Variants in RAD18 observed in about 807,000 individuals in gnomAD.
RAD18 encodes the protein RAD18 E3 ubiquitin protein ligase.
Under a neutral mutation model 60.4 loss-of-function variants are expected in RAD18, and 47 were observed. The ratio of observed to expected loss-of-function variants is 0.78; its 90% CI spans 0.62 to 0.99. The LOEUF is 0.99. Ranked by LOEUF, RAD18 falls within the 50% of genes least tolerant of loss-of-function variation. The probability of loss-of-function intolerance (pLI) is 0.00; values close to 1 mark genes in which losing one functional copy is unlikely to be tolerated. For missense variants in RAD18, 640 were observed against 593.3 expected, an observed-to-expected ratio of 1.08 and a Z score of -0.82; for synonymous variants, 225 against 195.5, an observed-to-expected ratio of 1.15 and a Z score of -1.26.
intron 1 of RAD18, among the ~76,000 whole-genome samples, chr3:8,962,437 AG>A (rs1379904895): frequency 1.2e-4 from 18 of 152,380 alleles, no homozygotes; most frequent in African/African-American, 4.3e-4. Context: ...AGGAAGAACA[AG>A]GCCTTCTACT....
At chr3:8,902,821 C>T (rs1053088027) in intron 9 of RAD18, among the ~76,000 whole-genome samples, 2 of 151,894 alleles carry the variant, frequency 1.3e-5, no homozygotes, top group African/African-American at 2.4e-5. Context: ...GTCAGGAGTT[C>T]GAGACCAGCC....
chr3:8,884,935 G>T (rs1440214526), intron 12 of RAD18, among the ~76,000 whole-genome samples: 1 of 152,172 alleles, frequency 6.6e-6, no homozygotes, highest in Non-Finnish European at 1.5e-5. Context: ...TCTCCAGCAG[G>T]TATTACTAAT....
intron 4 of RAD18, among the ~76,000 whole-genome samples, chr3:8,945,802 G>C (rs1940830325): frequency 6.6e-6 from 1 of 151,812 alleles, no homozygotes; most frequent in Admixed American, 6.6e-5. Context: ...AGTTTAAAAA[G>C]GAAAAAATAA....
chr3:8,945,416 T>G (rs1385433862), intron 4 of RAD18, among the ~76,000 whole-genome samples: 1 of 151,976 alleles, frequency 6.6e-6, no homozygotes, highest in Non-Finnish European at 1.5e-5. Context: ...AAGTGACATC[T>G]TGATAATCCT....
At chr3:8,883,989 G>A (rs1939514617) in intron 12 of RAD18, among the ~76,000 whole-genome samples, 1 of 152,040 alleles carries the variant, frequency 6.6e-6, no homozygotes, top group South Asian at 2.1e-4. Context: ...CATTAGACAG[G>A]CTAAGTAAAA....
chr3:8,958,143 T>C (rs991318052), intron 2 of RAD18, among the ~76,000 whole-genome samples: 2 of 152,254 alleles, frequency 1.3e-5, no homozygotes, highest in African/African-American at 4.8e-5. Context: ...GCAATGCCCG[T>C]GCTGCCGTCA....
chr3:8,954,695 A>G (rs1420073582), intron 2 of RAD18, among the ~76,000 whole-genome samples: 1 of 152,240 alleles, frequency 6.6e-6, no homozygotes, highest in Non-Finnish European at 1.5e-5. Flanking sequence ...ACAAAACAAA[A>G]TAAAGTGATT....
rs1940743002 is a variant in RAD18 at position 8,941,335 on chromosome 3, T to G, written c.604+132A>C. 6 of 784,062 alleles carry G rather than the reference T, an allele frequency of 7.7e-6. No individual in the cohort carries two copies. In the Admixed American group the frequency reaches 1.7e-4, roughly 23 times the overall value. The allele number at this position is 784,062 out of a possible 1,614,324, so 48.6% of individuals were successfully genotyped here. A position where few individuals can be genotyped will look rare whatever the true frequency, so the allele number is the denominator to read the frequency against. On this transcript the variant is annotated intron_variant, in intron 5 of 12. Transcript: ENST00000264926. ...GAACAAACATATCTACAACAATGTC[T>G]GAGGTTTGTGATATGGTAAAATCTG...
At chr3:8,895,189 CAT>C (rs1939763777) in intron 11 of RAD18, among the ~76,000 whole-genome samples, 1 of 151,182 alleles carries the variant, frequency 6.6e-6, no homozygotes, top group Admixed American at 6.6e-5. Flanking sequence ...TTCTAAAGTT[CAT>C]AAATATTCCC....
At chr3:8,899,070 G>T in intron 10 of RAD18, 23 bp from the exon 11 acceptor site, 1 of 1,546,276 alleles carries the variant, frequency 6.5e-7, no homozygotes, top group African/African-American at 1.4e-5. Flanking sequence ...AAATTTAAGA[G>T]TACCTTAAAA....
At chr3:8,916,298 T>C (rs1446267504) in intron 7 of RAD18, among the ~76,000 whole-genome samples, 1 of 152,168 alleles carries the variant, frequency 6.6e-6, no homozygotes, top group Non-Finnish European at 1.5e-5. Flanking sequence ...TGCCTAAGAC[T>C]GAAGCTAAAT....
At position 8,897,343 on chromosome 3, in the gene RAD18, C is replaced by T. The variant is rs554053504; in HGVS notation, c.1322+1551G>A. On this transcript the variant is annotated intron_variant, in intron 11 of 12. Transcript: ENST00000264926. Reference sequence around the variant, plus strand: ...CCACAAGGAAAAATGAAGTGAAAGACAAGGAACATCCCCAAAATGAAAATT... The same window carrying T: ...CCACAAGGAAAAATGAAGTGAAAGATAAGGAACATCCCCAAAATGAAAATT... 2.6e-5 allele frequency among the ~76,000 whole-genome samples: 4 copies of T among 152,300 alleles called. No homozygotes were observed. In the South Asian group the frequency reaches 6.2e-4, roughly 24 times the overall value.
chr3:8,941,641 A>C lies in RAD18; in HGVS notation c.430T>G (p.Ser144Ala). The change falls in exon 5 of 13, where the codon TCT becomes GCT. Residue 144 changes from serine to alanine, a missense_variant. Transcript: ENST00000264926. Reference sequence around the variant, plus strand: ...TCTTTTATCAACAACTCTGATGTAGAACCACTCATTTCTCTGATCAAGAAA... The same window carrying C: ...TCTTTTATCAACAACTCTGATGTAGCACCACTCATTTCTCTGATCAAGAAA... ...DNFLIREMSG[S>A]TSELLIKENK... The C allele has an allele frequency of 6.2e-7, 1 of 1,614,146 alleles. No individual in the cohort carries two copies. Among genetic ancestry groups the C allele is most frequent in the East Asian group, 2.2e-5 (1 of 44,880 alleles).
At chr3:8,942,179 G>A (rs1280312441) in intron 4 of RAD18, among the ~76,000 whole-genome samples, 1 of 152,174 alleles carries the variant, frequency 6.6e-6, no homozygotes, top group Non-Finnish European at 1.5e-5. Context: ...CCTGGTGGAA[G>A]GTGACTGGAT....
chr3:8,921,940 A>G (rs973923463), intron 7 of RAD18, among the ~76,000 whole-genome samples: 7 of 152,238 alleles, frequency 4.6e-5, no homozygotes, highest in Non-Finnish European at 7.3e-5. Context: ...AATAGTACAA[A>G]GAATGAAAGT....
At chr3:8,939,701 G>A in intron 5 of RAD18, 48 bp from the exon 6 acceptor site, 3 of 1,482,540 alleles carry the variant, frequency 2.0e-6, no homozygotes, top group East Asian at 2.3e-5. Flanking sequence ...TTGTAGAAGG[G>A]GCAAAAGTAT....
rs780743492 is a variant in RAD18 at position 8,947,262 on chromosome 3, T to C, written c.224A>G (p.Asn75Ser). The C allele has an allele frequency of 3.7e-6, 6 of 1,611,446 alleles. No individual in the cohort carries two copies. Among genetic ancestry groups the C allele is most frequent in the Non-Finnish European group, 5.1e-6 (6 of 1,177,814 alleles). Residue 75 changes from asparagine to serine, a missense_variant, in exon 4 of 13, where the codon AAC (asparagine) becomes AGC (serine). Physicochemically the swap from Asn to Ser is conservative, Grantham distance 46 (BLOSUM62 1). Coordinates refer to ENST00000264926, the MANE Select transcript of RAD18 (RefSeq NM_020165.4). ...VTVTEPDLKN[N>S]RILDELVKSL... Reference sequence around the variant, plus strand: ...TTTTACCAGTTCATCTAATATGCGGTTATTTTTCAGATCCGGCTCTGTGAC... The same window carrying C: ...TTTTACCAGTTCATCTAATATGCGGCTATTTTTCAGATCCGGCTCTGTGAC...
chr3:8,925,613 G>C (rs553082337), intron 7 of RAD18, among the ~76,000 whole-genome samples: 1 of 152,274 alleles, frequency 6.6e-6, no homozygotes, highest in African/African-American at 2.4e-5. Flanking sequence ...AACAAAAAAA[G>C]AGAATTTTAG....
chr3:8,915,011 T>G (rs1343718213), intron 7 of RAD18, among the ~76,000 whole-genome samples: 5 of 151,198 alleles, frequency 3.3e-5, no homozygotes, highest in Admixed American at 2.6e-4. Context: ...TAGCCGGGTG[T>G]GGTGGGGGGC....
Sources: gnomAD v4.1 joint callset for allele counts (sites outside exome capture counted in the v4.1 genomes callset) on GRCh38, gnomAD v4.1.1 for gene constraint, MANE v1.5 for transcripts, NCBI Gene and HGNC (gene_info 2026-07-23, HGNC 2026-07-21) for gene names.